GRIK2: variants seen among roughly 807,000 people sequenced by gnomAD.
The protein encoded by GRIK2 is glutamate ionotropic receptor kainate type subunit 2.
GRIK2 carries 32 observed loss-of-function variants against 100.3 expected under a neutral mutation model. The ratio of observed to expected loss-of-function variants is 0.32; its 90% CI spans 0.24 to 0.43. The LOEUF (loss-of-function observed/expected upper bound fraction) is 0.43, where lower values mean the gene tolerates loss of function less well. GRIK2 is among the 20% of genes least tolerant of loss of function. The probability of loss-of-function intolerance (pLI) is 1.00; values close to 1 mark genes in which losing one functional copy is unlikely to be tolerated. For synonymous variants in GRIK2, 417 were observed against 389.4 expected (o/e 1.07, Z -0.83); for missense variants, 843 against 1,114.9 (o/e 0.76, Z 3.47).
chr6:101,928,237 T>C, intron 13 of GRIK2, 178 bp from the exon 14 acceptor site: 1 of 596,512 alleles, frequency 1.7e-6, no homozygotes. Context: ...AGATTGTCTA[T>C]TTTCTGAAAA....
intron 2 of GRIK2, among the ~76,000 whole-genome samples, chr6:101,510,299 C>A (rs980846135): frequency 4.6e-5 from 7 of 152,038 alleles, no homozygotes; most frequent in Non-Finnish European, 1.0e-4. Flanking sequence ...GGAGGCTTAT[C>A]ATGCAAGGAT....
At chr6:102,005,787 A>ATAGAT (rs1476994470) in intron 14 of GRIK2, among the ~76,000 whole-genome samples, 5 of 152,092 alleles carry the variant, frequency 3.3e-5, no homozygotes, top group Non-Finnish European at 5.9e-5. Context: ...ACAGAATATT[A>ATAGAT]TAGATTGGGT....
chr6:101,802,423 A>C lies in GRIK2; in HGVS notation c.1188A>C (p.Glu396Asp). Reference protein sequence around the residue: ...DFDLDVISLKEEGLEKIGTWD... With the variant: ...DFDLDVISLKDEGLEKIGTWD... ...ATTTGGATGTGATCAGTCTGAAGGA[A>C]GAAGGTCTAGAAAAGGTATTTCAGT... The change falls in exon 9 of 17, where the codon GAA becomes GAC. Residue 396 changes from glutamate (E) to aspartate (D), a missense_variant. By Grantham distance (45) the Glu-to-Asp change is conservative. Transcript: ENST00000369134. The C allele has an allele frequency of 6.5e-7, 1 of 1,526,744 alleles. No individual in the cohort carries two copies. The highest frequency in any genetic ancestry group is 2.3e-5 in the East Asian group (1 of 43,066). 94.6% of individuals were successfully genotyped at this position (1,526,744 alleles called of 1,614,324 possible). A position where few individuals can be genotyped will look rare whatever the true frequency, so the allele number is the denominator to read the frequency against.
chr6:101,956,035 A>C (rs906396012), intron 14 of GRIK2, among the ~76,000 whole-genome samples: 5 of 152,102 alleles, frequency 3.3e-5, no homozygotes, highest in Admixed American at 6.6e-5. Context: ...ATTTACATTT[A>C]TAAATTTCTC....
chr6:101,982,040 G>C (rs1250952103), intron 14 of GRIK2, among the ~76,000 whole-genome samples: 1 of 151,794 alleles, frequency 6.6e-6, no homozygotes, highest in South Asian at 2.1e-4. Context: ...TCCCTGCCAG[G>C]CACTATATTT....
chr6:101,637,722 A>C (rs62421388), intron 4 of GRIK2, among the ~76,000 whole-genome samples: 1 of 152,116 alleles, frequency 6.6e-6, no homozygotes, highest in African/African-American at 2.4e-5. Context: ...TCGGCATGAC[A>C]CATACAGTGT....
chr6:101,596,479 T>G (rs1381035618), intron 2 of GRIK2, among the ~76,000 whole-genome samples: 1 of 151,682 alleles, frequency 6.6e-6, no homozygotes, highest in African/African-American at 2.4e-5. Context: ...TGGTATTATC[T>G]TCTACATTTT....
intron 2 of GRIK2, among the ~76,000 whole-genome samples, chr6:101,602,999 A>C (rs1343056047): frequency 1.3e-5 from 2 of 151,632 alleles, no homozygotes; most frequent in African/African-American, 2.4e-5. Flanking sequence ...GAAATGCTCA[A>C]CCTACTTCTT....
rs932447082 is a variant in GRIK2, at chr6:101,685,879, C to T, written c.778-301C>T. ...AACACATAAAATAAGGGCAAGCTAT[C>T]CTAAACAGAGAGAAGAAAGCTATTG... On this transcript the variant is annotated intron_variant, in intron 6 of 16. Coordinates refer to ENST00000369134, the MANE Select transcript of GRIK2 (RefSeq NM_021956.5). Among the ~76,000 whole-genome samples the T allele has an allele frequency of 3.9e-5, 6 of 152,122 alleles. No individual in the cohort carries two copies. In the South Asian group the frequency reaches 1.0e-3, roughly 26 times the overall value.
intron 2 of GRIK2, among the ~76,000 whole-genome samples, chr6:101,425,302 G>A (rs1291089575): frequency 6.6e-6 from 1 of 152,152 alleles, no homozygotes; most frequent in Non-Finnish European, 1.5e-5. Flanking sequence ...ATAAAAACTA[G>A]TAGAGACATT....
chr6:101,908,455 TC>T (rs1294875429), intron 12 of GRIK2, among the ~76,000 whole-genome samples: 1 of 151,288 alleles, frequency 6.6e-6, no homozygotes, highest in Non-Finnish European at 1.5e-5. Flanking sequence ...TTTGTTGTAG[TC>T]AATTTACCTA....
At chr6:102,066,706 A>T (rs1268652117) in intron 16 of GRIK2, among the ~76,000 whole-genome samples, 1 of 151,664 alleles carries the variant, frequency 6.6e-6, no homozygotes, top group African/African-American at 2.4e-5. Context: ...GGAAGGGAGA[A>T]GAGGGCTAGA....
At chr6:101,835,427 C>T (rs560061271) in intron 10 of GRIK2, among the ~76,000 whole-genome samples, 1 of 150,248 alleles carries the variant, frequency 6.7e-6, no homozygotes, top group Admixed American at 6.6e-5. Context: ...GAAAAAACTA[C>T]CCATTATAAA....
At chr6:101,749,038 C>A (rs1484728995) in intron 7 of GRIK2, among the ~76,000 whole-genome samples, 1 of 151,892 alleles carries the variant, frequency 6.6e-6, no homozygotes, top group Non-Finnish European at 1.5e-5. Flanking sequence ...TTATTAAGCA[C>A]CTGGAATAAG....
chr6:101,418,565 A>AAGC (rs1427384778), intron 2 of GRIK2, among the ~76,000 whole-genome samples: 1 of 152,180 alleles, frequency 6.6e-6, no homozygotes, highest in Non-Finnish European at 1.5e-5. Context: ...GCTTGGTCAC[A>AAGC]AAAGACATCT....
At chr6:101,594,608 T>A (rs949960373) in intron 2 of GRIK2, among the ~76,000 whole-genome samples, 2 of 151,724 alleles carry the variant, frequency 1.3e-5, no homozygotes, top group African/African-American at 4.8e-5. Flanking sequence ...AATAAAGATA[T>A]AAGAAAATCC....
rs865863897 is a variant in GRIK2, at chr6:101,583,881, G to T, written c.116-38068G>T. Among the ~76,000 whole-genome samples, 13 of 152,108 alleles carry T rather than the reference G, an allele frequency of 8.5e-5. No individual in the cohort carries two copies. In the South Asian group the frequency reaches 1.5e-3, roughly 17 times the overall value. ...CATCAAACATATTGCCTAATAAATT[G>T]CTTACTCTGGCAGAGAAAATTAAAA... On this transcript the variant is annotated intron_variant, in intron 2 of 16. Transcript: ENST00000369134.
intron 2 of GRIK2, among the ~76,000 whole-genome samples, chr6:101,433,212 A>C (rs938261448): frequency 6.6e-6 from 1 of 152,200 alleles, no homozygotes; most frequent in Non-Finnish European, 1.5e-5. Context: ...AAGTATGTAA[A>C]GTATCCAATA....
chr6:101,694,691 A>G (rs1772354630), intron 7 of GRIK2, among the ~76,000 whole-genome samples: 1 of 152,020 alleles, frequency 6.6e-6, no homozygotes, highest in Non-Finnish European at 1.5e-5. Context: ...TGTATAGAAT[A>G]TGTTTTCTGG....
Sources: gnomAD v4.1 joint callset for allele counts (sites outside exome capture counted in the v4.1 genomes callset) on GRCh38, gnomAD v4.1.1 for gene constraint, MANE v1.5 for transcripts, NCBI Gene and HGNC (gene_info 2026-07-23, HGNC 2026-07-21) for gene names.